The following SI variants were observed in gnomAD, a reference collection of about 807,000 sequenced individuals.
SI encodes the protein sucrase-isomaltase.
In SI, 235 loss-of-function variants were observed where a neutral mutation model predicts 253.3. That is an observed-to-expected ratio of 0.93 (90% CI 0.83 to 1.03). The LOEUF (loss-of-function observed/expected upper bound fraction) is 1.03. SI is among the 50% of genes least tolerant of loss of function. SI has a pLI of 0.00. For synonymous variants in SI, 819 were observed against 712.0 expected, an observed-to-expected ratio of 1.15 and a Z score of -2.39; for missense variants, 2,442 against 2,211.1, an observed-to-expected ratio of 1.10 and a Z score of -2.09.
In SI at chr3:165,065,409, A is replaced by T; in HGVS notation, c.659T>A (p.Leu220Ter). 6.4e-7 allele frequency: 1 copy of T among 1,561,984 alleles called. No homozygotes were observed. The highest frequency in any genetic ancestry group is 8.7e-7 in the Non-Finnish European group (1 of 1,143,098). The change falls in exon 7 of 48, where the codon TTA (leucine) becomes TAA (stop). Residue 220 changes from leucine to a stop codon, truncating the protein, a stop_gained. Transcript: ENST00000264382. LOFTEE classifies it high-confidence loss of function. ...KTLFDTSIGP[L>*]VYSDQYLQIS... ...CTGTAAGTACTGGTCAGAGTACACT[A>T]AGGGACCAATGCTGGTGTCAAACCT... is the stretch of plus-strand genomic sequence containing the variant.
At chr3:165,072,506 A>AT (rs1032192722) in intron 3 of SI, among the ~76,000 whole-genome samples, 1 of 152,070 alleles carries the variant, frequency 6.6e-6, no homozygotes, top group Non-Finnish European at 1.5e-5. Context: ...AAAAAGGCAA[A>AT]TATTTAGGCC....
At chr3:164,997,757 C>T (rs1233273266) in intron 38 of SI, among the ~76,000 whole-genome samples, 2 of 151,738 alleles carry the variant, frequency 1.3e-5, no homozygotes, top group Non-Finnish European at 3.0e-5. Context: ...TTTTCTGTTC[C>T]TCTGTTAGTT....
In SI at chr3:165,011,127, T is replaced by C. The variant is rs912177431; in HGVS notation, c.4063-1732A>G. Among the ~76,000 whole-genome samples the C allele has an allele frequency of 2.0e-5, 3 of 152,282 alleles. No homozygotes were observed. In the East Asian group the frequency reaches 5.8e-4, roughly 29 times the overall value. On this transcript the variant is annotated intron_variant, in intron 34 of 47. Transcript: ENST00000264382. ...TTTGTGTTTTTCTTTTAATTTTTAC[T>C]CCTCTAATCTTTATTTTCTTCCCTC... is the stretch of plus-strand genomic sequence containing the variant.
rs1305830089 is a variant in SI, at chr3:164,979,182, G to C, written c.*180C>G. The stretch of plus-strand genomic sequence containing the variant: ...AAATATGCCTTAAAATTGAATCCAA[G>C]TCACATTACTATAATAAAATTAGCA... On this transcript the variant is annotated 3_prime_UTR_variant, in exon 48 of 48. Coordinates refer to ENST00000264382, the MANE Select transcript of SI (RefSeq NM_001041.4). 3.5e-6 allele frequency: 2 copies of C among 577,500 alleles called. No homozygotes were observed. The highest frequency in any genetic ancestry group is 3.7e-5 in the African/African-American group (2 of 53,674). 35.8% of individuals were successfully genotyped at this position (577,500 alleles called of 1,614,324 possible).
At chr3:165,021,431 C>A in intron 26 of SI, 48 bp from the exon 27 acceptor site, 1 of 1,403,544 alleles carries the variant, frequency 7.1e-7, no homozygotes, top group Non-Finnish European at 1.0e-6. Flanking sequence ...GCTGACATAG[C>A]ATGTACATAT....
At chr3:165,090,159 AAGAGAGAG>A in the SI span, among the ~76,000 whole-genome samples, 1 of 147,688 alleles carries the variant, frequency 6.8e-6, no homozygotes, top group Non-Finnish European at 1.5e-5. Context: ...TAAAAAAAAA[AAGAGAGAG>A]AGAGAGAGAG....
chr3:164,998,762 G>A (rs1261909922), intron 37 of SI, 89 bp from the exon 38 acceptor site: 6 of 1,051,102 alleles, frequency 5.7e-6, no homozygotes, highest in East Asian at 4.8e-5. Flanking sequence ...AAAAAAAATA[G>A]TGATTTGTGG....
intron 16 of SI, among the ~76,000 whole-genome samples, chr3:165,043,784 A>C (rs1376557148): frequency 6.6e-6 from 1 of 151,978 alleles, no homozygotes; most frequent in African/African-American, 2.4e-5. Flanking sequence ...AATATATAGC[A>C]TTGTTTTGCA....
At chr3:165,000,063 T>C (rs2108141909) in intron 37 of SI, among the ~76,000 whole-genome samples, 1 of 151,298 alleles carries the variant, frequency 6.6e-6, no homozygotes, top group East Asian at 1.9e-4. Flanking sequence ...TAATAATTGG[T>C]GATAATTCTA....
In SI at chr3:165,063,548, G is replaced by C. The variant is rs775682576; in HGVS notation, c.808-7C>G. The C allele has an allele frequency of 1.6e-6, 2 of 1,250,344 alleles. No individual in the cohort carries two copies. The highest frequency in any genetic ancestry group is 2.6e-5 in the South Asian group (2 of 78,040). 77.5% of individuals were successfully genotyped at this position (1,250,344 alleles called of 1,614,324 possible). On this transcript the variant is annotated splice_polypyrimidine_tract_variant and splice_region_variant and intron_variant, in intron 7 of 47. Coordinates refer to ENST00000264382, the MANE Select transcript of SI (RefSeq NM_001041.4). ...CGTATAAATTATTATTATTCTATAA[G>C]GCAAGAATTTGAAAATACGATTTTC... is the stretch of plus-strand genomic sequence containing the variant.
chr3:165,001,776 GTGTT>G (rs1718266283), intron 37 of SI, among the ~76,000 whole-genome samples: 1 of 151,262 alleles, frequency 6.6e-6, no homozygotes. Flanking sequence ...GAGGTATACT[GTGTT>G]TGTTTTTTCA....
chr3:165,084,014 C>T, the SI span, among the ~76,000 whole-genome samples: 1 of 151,872 alleles, frequency 6.6e-6, no homozygotes, highest in Admixed American at 6.6e-5. Context: ...GTTTACATCC[C>T]CTCCAAATTC....
the SI span, among the ~76,000 whole-genome samples, chr3:165,087,147 A>G: frequency 2.0e-5 from 2 of 98,626 alleles, no homozygotes; most frequent in Non-Finnish European, 2.3e-5. Flanking sequence ...ACAAAACAAA[A>G]CAAACAAACA....
the SI span, among the ~76,000 whole-genome samples, chr3:165,089,700 T>G: frequency 6.6e-6 from 1 of 152,106 alleles, no homozygotes; most frequent in African/African-American, 2.4e-5. Context: ...GGGTCTCTGA[T>G]GAGGCTGGGA....
intron 32 of SI, among the ~76,000 whole-genome samples, chr3:165,015,693 A>G (rs568664625): frequency 6.6e-6 from 1 of 152,200 alleles, no homozygotes; most frequent in African/African-American, 2.4e-5. Context: ...GCCAATTTGT[A>G]GCTTGGATGA....
At chr3:165,047,981 T>C (rs528615416) in intron 15 of SI, among the ~76,000 whole-genome samples, 2 of 152,210 alleles carry the variant, frequency 1.3e-5, no homozygotes, top group South Asian at 2.1e-4. Flanking sequence ...TGCTTTTCCA[T>C]GTTATAATCT....
intron 31 of SI, among the ~76,000 whole-genome samples, chr3:165,016,649 T>C (rs1013940950): frequency 4.6e-5 from 7 of 151,990 alleles, no homozygotes; most frequent in Non-Finnish European, 1.0e-4. Flanking sequence ...GATAGGTAAT[T>C]GCAAGTATGT....
intron 45 of SI, among the ~76,000 whole-genome samples, chr3:164,984,206 A>G (rs565370811): frequency 6.6e-6 from 1 of 152,242 alleles, no homozygotes; most frequent in South Asian, 2.1e-4. Flanking sequence ...AGTAGAGTCA[A>G]ATAAAAGAAG....
intron 28 of SI, among the ~76,000 whole-genome samples, chr3:165,018,341 AAT>A (rs1719143888): frequency 6.6e-6 from 1 of 150,752 alleles, no homozygotes; most frequent in Admixed American, 6.6e-5. Context: ...ATTAATATAC[AAT>A]ATGTAACAAC....
Sources: allele counts gnomAD v4.1 joint callset (sites outside exome capture counted in the v4.1 genomes callset), GRCh38; gene constraint gnomAD v4.1.1; transcripts MANE v1.5; gene names NCBI Gene and HGNC (gene_info 2026-07-23, HGNC 2026-07-21).